Variants in CD8B observed in about 807,000 individuals in gnomAD.
CD8B encodes CD8 subunit beta.
Under a neutral mutation model 24.2 loss-of-function variants are expected in CD8B, and 6 were observed. That is an observed-to-expected ratio of 0.25 (90% confidence interval 0.14 to 0.49). The LOEUF is 0.49. Among genes scored for constraint, CD8B ranks in the 20% least tolerant of loss-of-function variants. CD8B has a pLI of 0.98. For missense variants in CD8B, 196 were observed against 271.3 expected (o/e 0.72, Z 1.95); for synonymous variants, 84 against 108.3 (o/e 0.78, Z 1.39).
chr2:86,837,711 G>C (rs1433747166), downstream of CD8B, among the ~76,000 whole-genome samples: 1 of 146,978 alleles, frequency 6.8e-6, no homozygotes, highest in Non-Finnish European at 1.5e-5. Flanking sequence ...TGAAAGGGAG[G>C]GGGTGGTGTA....
chr2:86,818,563 T>C (rs926123547), intron 5 of CD8B, among the ~76,000 whole-genome samples: 8 of 152,202 alleles, frequency 5.3e-5, no homozygotes, highest in African/African-American at 1.7e-4. Flanking sequence ...ACTATTTTAA[T>C]TGTTTTAGGG....
At chr2:86,826,915 G>A (rs1674714914) in intron 5 of CD8B, among the ~76,000 whole-genome samples, 1 of 151,286 alleles carries the variant, frequency 6.6e-6, no homozygotes, top group African/African-American at 2.4e-5. Context: ...TCTGCCTCTC[G>A]GGTTCAAGCG....
At chr2:86,830,019 T>C (rs968412978) in intron 5 of CD8B, among the ~76,000 whole-genome samples, 7 of 152,226 alleles carry the variant, frequency 4.6e-5, no homozygotes, top group African/African-American at 1.4e-4. Context: ...TTACCTTGCA[T>C]GGATGTATTC....
In CD8B at chr2:86,839,097, T is replaced by C. The variant is rs2104533416; in HGVS notation, c.*3210A>G. ...TAACAACATATATTTGTTTTGCTTGTTTTCTTTTGTGCTTGAATTTTAACA... is the reference window on the plus strand; with the variant it reads ...TAACAACATATATTTGTTTTGCTTGCTTTCTTTTGTGCTTGAATTTTAACA... On this transcript the variant is annotated 3_prime_UTR_variant, in exon 6 of 6. Coordinates refer to ENST00000390655, the MANE Select transcript of CD8B (RefSeq NM_004931.5). Among the ~76,000 whole-genome samples, 1 of 152,342 alleles carries C rather than the reference T, an allele frequency of 6.6e-6. No homozygotes were observed.
chr2:86,842,491 G>A (rs1027843313), intron 5 of CD8B, among the ~76,000 whole-genome samples, 172 bp from the exon 6 acceptor site: 7 of 152,178 alleles, frequency 4.6e-5, no homozygotes, highest in African/African-American at 1.7e-4. Flanking sequence ...TAAAAAGATT[G>A]TTAAGGCTAA....
intron 5 of CD8B, among the ~76,000 whole-genome samples, chr2:86,818,182 C>T (rs945877859): frequency 6.6e-6 from 1 of 151,936 alleles, no homozygotes; most frequent in African/African-American, 2.4e-5. Flanking sequence ...GCACTTCAGT[C>T]TGGGTGACAG....
intron 3 of CD8B, among the ~76,000 whole-genome samples, chr2:86,848,883 AT>A (rs772767184): frequency 2.8e-3 from 423 of 152,118 alleles, no homozygotes; most frequent in Non-Finnish European, 4.5e-3. Flanking sequence ...CACCTGGCTG[AT>A]TTTTGTGTTT....
At chr2:86,837,138 C>T (rs1259591771), downstream of CD8B, among the ~76,000 whole-genome samples, 3 of 152,218 alleles carry the variant, frequency 2.0e-5, no homozygotes, top group Non-Finnish European at 4.4e-5. Context: ...CCCTGGGTGA[C>T]AGAGCAACAC....
intron 5 of CD8B, among the ~76,000 whole-genome samples, chr2:86,826,595 G>A (rs1178416342): frequency 6.6e-6 from 1 of 152,076 alleles, no homozygotes; most frequent in Non-Finnish European, 1.5e-5. Context: ...AATCCTGCCT[G>A]TATAGATACC....
At chr2:86,826,831 T>A (rs1383341693) in intron 5 of CD8B, among the ~76,000 whole-genome samples, 1 of 151,484 alleles carries the variant, frequency 6.6e-6, no homozygotes, top group African/African-American at 2.4e-5. Flanking sequence ...CTTGTTTTTT[T>A]TTTTTTTTGA....
intron 1 of CD8B, among the ~76,000 whole-genome samples, chr2:86,861,081 G>A (rs1186861470): frequency 4.6e-5 from 7 of 152,184 alleles, no homozygotes; most frequent in Admixed American, 6.5e-5. Context: ...AACCCCCGGC[G>A]GGCAGGCCTT....
intron 5 of CD8B, chr2:86,821,602 C>G: frequency 3.8e-6 from 1 of 260,488 alleles, no homozygotes. Flanking sequence ...CTCAGAACCA[C>G]CCAGAGTTGA....
intron 5 of CD8B, among the ~76,000 whole-genome samples, chr2:86,829,031 T>C (rs1373072832): frequency 1.3e-5 from 2 of 151,826 alleles, no homozygotes; most frequent in African/African-American, 4.8e-5. Context: ...TAAAGATCAC[T>C]TGTAATCTGC....
chr2:86,846,821 C>A, intron 3 of CD8B, 48 bp from the exon 4 acceptor site: 1 of 1,324,844 alleles, frequency 7.5e-7, no homozygotes, highest in East Asian at 2.5e-5. Flanking sequence ...CATTTTTCTG[C>A]ATGAGACACG....
At chr2:86,846,850 G>A (rs1675704397) in intron 3 of CD8B, 77 bp from the exon 4 acceptor site, 7 of 901,056 alleles carry the variant, frequency 7.8e-6, no homozygotes, top group South Asian at 2.9e-5. Context: ...TACAAGGAGC[G>A]AAAAATTCAA....
At chr2:86,836,125 T>C (rs71259935), downstream of CD8B, among the ~76,000 whole-genome samples, 116 of 134,522 alleles carry the variant, frequency 8.6e-4, no homozygotes, top group African/African-American at 2.5e-3. Flanking sequence ...GGTGGGTGGG[T>C]GGATGGGTGG....
chr2:86,827,804 C>T (rs1228055098), intron 5 of CD8B, among the ~76,000 whole-genome samples: 1 of 152,130 alleles, frequency 6.6e-6, no homozygotes, highest in African/African-American at 2.4e-5. Context: ...ATTTTAATTG[C>T]AGTTTGCTGC....
intron 4 of CD8B, among the ~76,000 whole-genome samples, chr2:86,845,579 C>T (rs1675637529): frequency 6.6e-6 from 1 of 152,162 alleles, no homozygotes; most frequent in Non-Finnish European, 1.5e-5. Context: ...TGCCACTACA[C>T]CCAACTTACT....
At chr2:86,851,755 G>T (rs1675985956) in intron 3 of CD8B, among the ~76,000 whole-genome samples, 1 of 152,130 alleles carries the variant, frequency 6.6e-6, no homozygotes, top group Non-Finnish European at 1.5e-5. Context: ...ACTTTTGCTG[G>T]GCTGAGGTCA....
Sources: allele counts gnomAD v4.1 joint callset (sites outside exome capture counted in the v4.1 genomes callset), GRCh38; gene constraint gnomAD v4.1.1; transcripts MANE v1.5; gene names NCBI Gene and HGNC (gene_info 2026-07-23, HGNC 2026-07-21).